The following TBC1D4 variants were observed in gnomAD, a reference collection of about 807,000 sequenced individuals.
TBC1D4 encodes the protein TBC (Tre-2, BUB2, CDC16) domain-containing protein.
Under a neutral mutation model 142.5 loss-of-function variants are expected in TBC1D4, and 121 were observed. The observed-to-expected ratio is 0.85, with a 90% CI of 0.73 to 0.99. The LOEUF is 0.99. Among genes scored for constraint, TBC1D4 ranks in the 50% least tolerant of loss-of-function variants. The probability of loss-of-function intolerance (pLI) is 0.00; values close to 1 mark genes in which losing one functional copy is unlikely to be tolerated. For missense variants in TBC1D4, 1,475 were observed against 1,606.6 expected (o/e 0.92, Z 1.40); for synonymous variants, 630 against 628.2 (o/e 1.00, Z -0.04).
At chr13:75,403,421 T>C (rs1885193636) in intron 1 of TBC1D4, among the ~76,000 whole-genome samples, 1 of 152,234 alleles carries the variant, frequency 6.6e-6, no homozygotes. Flanking sequence ...ATTCTAAATG[T>C]TTTGAGATAT....
intron 13 of TBC1D4, 79 bp downstream of exon 13, chr13:75,312,659 T>C (rs1877890335): frequency 3.2e-6 from 5 of 1,574,572 alleles, no homozygotes; most frequent in Non-Finnish European, 4.4e-6. Context: ...CTTAAATCTC[T>C]TTATACACAG....
At chr13:75,430,824 T>C (rs1886567054) in intron 1 of TBC1D4, among the ~76,000 whole-genome samples, 1 of 152,166 alleles carries the variant, frequency 6.6e-6, no homozygotes, top group African/African-American at 2.4e-5. Context: ...CCCCTTCCTT[T>C]TCATATGGTC....
At chr13:75,457,149 A>G (rs1030695562) in intron 1 of TBC1D4, among the ~76,000 whole-genome samples, 1 of 152,220 alleles carries the variant, frequency 6.6e-6, no homozygotes, top group African/African-American at 2.4e-5. Context: ...GGAAGAGGGT[A>G]CAAGAAAGCA....
chr13:75,345,842 C>G (rs1055601794), intron 5 of TBC1D4, among the ~76,000 whole-genome samples: 5 of 152,162 alleles, frequency 3.3e-5, no homozygotes, highest in African/African-American at 1.2e-4. Context: ...GATAGCTCCC[C>G]TATAGGTTTA....
At chr13:75,432,639 C>T (rs142942571) in intron 1 of TBC1D4, among the ~76,000 whole-genome samples, 12 of 152,130 alleles carry the variant, frequency 7.9e-5, no homozygotes, top group African/African-American at 2.6e-4. Context: ...AATACTTAAA[C>T]GGAATAACTA....
intron 1 of TBC1D4, among the ~76,000 whole-genome samples, chr13:75,421,288 G>A (rs1886157379): frequency 6.6e-6 from 1 of 152,120 alleles, no homozygotes; most frequent in African/African-American, 2.4e-5. Flanking sequence ...CATCCTTGGA[G>A]GCACCACTGA....
chr13:75,385,122 T>C (rs868108151), intron 1 of TBC1D4, among the ~76,000 whole-genome samples: 3 of 152,028 alleles, frequency 2.0e-5, no homozygotes, highest in Admixed American at 6.6e-5. Context: ...TCAAAAAAAC[T>C]TCCCTCCATG....
At chr13:75,457,687 T>G (rs1288914162) in intron 1 of TBC1D4, among the ~76,000 whole-genome samples, 1 of 152,228 alleles carries the variant, frequency 6.6e-6, no homozygotes, top group South Asian at 2.1e-4. Context: ...AACTGCCTAA[T>G]CACAAGAAGT....
At chr13:75,291,602 ATCCCATTCTGGAACTTGTCCAGTACTG>A (rs1454058230) in intron 19 of TBC1D4, among the ~76,000 whole-genome samples, 1 of 152,190 alleles carries the variant, frequency 6.6e-6, no homozygotes, top group Non-Finnish European at 1.5e-5. Flanking sequence ...GATCAGTATC[ATCCCATTCTGGAACTTGTCCAGTACTG>A]TCCCATTCTG....
intron 15 of TBC1D4, among the ~76,000 whole-genome samples, chr13:75,304,382 C>A (rs556066098): frequency 2.6e-5 from 4 of 152,016 alleles, no homozygotes; most frequent in Non-Finnish European, 5.9e-5. Flanking sequence ...ATGAATAAAT[C>A]CATTCTCAGG....
intron 1 of TBC1D4, among the ~76,000 whole-genome samples, chr13:75,457,994 G>T (rs1434652401): frequency 6.6e-6 from 1 of 152,150 alleles, no homozygotes. Context: ...GCATCTAGGG[G>T]TGTTACAATT....
At chr13:75,386,281 T>G (rs920523686) in intron 1 of TBC1D4, among the ~76,000 whole-genome samples, 5 of 152,226 alleles carry the variant, frequency 3.3e-5, no homozygotes, top group Admixed American at 3.3e-4. Context: ...AGAGAAGTTT[T>G]CATGAATAAA....
rs984883921 is a variant in TBC1D4 at position 75,481,251 on chromosome 13, C to T, written c.498+19G>A. ...CCCAAGGCCGAGCCCGCCCCCGCGC[C>T]TCCGAGCCCCTGTCTTGCCTGGCTG... On this transcript the variant is annotated intron_variant, in intron 1 of 20. Transcript: ENST00000377636. 2.5e-6 allele frequency: 4 copies of T among 1,610,742 alleles called. No individual in the cohort carries two copies. The African/African-American group carries it at 4.0e-5, about 16-fold the overall frequency.
chr13:75,434,590 G>A (rs1311463156), intron 1 of TBC1D4, among the ~76,000 whole-genome samples: 6 of 151,890 alleles, frequency 4.0e-5, no homozygotes, highest in South Asian at 2.1e-4. Flanking sequence ...ACAAACCCCC[G>A]TGACATGTGT....
chr13:75,337,259 T>C (rs141140250), intron 7 of TBC1D4, among the ~76,000 whole-genome samples: 50 of 152,290 alleles, frequency 3.3e-4, no homozygotes, highest in African/African-American at 1.1e-3. Flanking sequence ...ATGTAAAATA[T>C]TTCCTTCATG....
chr13:75,382,402 A>G (rs1488727522), intron 1 of TBC1D4, among the ~76,000 whole-genome samples: 1 of 152,114 alleles, frequency 6.6e-6, no homozygotes, highest in African/African-American at 2.4e-5. Context: ...CACTGCTCCA[A>G]CTTTTTTCCT....
At chr13:75,301,255 A>G (rs1876514046) in intron 16 of TBC1D4, among the ~76,000 whole-genome samples, 1 of 152,156 alleles carries the variant, frequency 6.6e-6, no homozygotes, top group South Asian at 2.1e-4. Flanking sequence ...ATATTTTTAA[A>G]TAATAAAGTA....
At chr13:75,297,451 A>G (rs151027527) in intron 17 of TBC1D4, among the ~76,000 whole-genome samples, 10 of 152,222 alleles carry the variant, frequency 6.6e-5, no homozygotes, top group Non-Finnish European at 1.0e-4. Context: ...TCTGATTCCT[A>G]TCTGATATTA....
At chr13:75,337,638 G>A (rs1464069093) in intron 7 of TBC1D4, among the ~76,000 whole-genome samples, 1 of 152,170 alleles carries the variant, frequency 6.6e-6, no homozygotes, top group Non-Finnish European at 1.5e-5. Context: ...ATGGTCCTTA[G>A]TAGCAAAAAA....
Sources: allele counts gnomAD v4.1 joint callset (sites outside exome capture counted in the v4.1 genomes callset), GRCh38; gene constraint gnomAD v4.1.1; transcripts MANE v1.5; gene names NCBI Gene and HGNC (gene_info 2026-07-23, HGNC 2026-07-21).